The following ERC1 variants were observed in gnomAD, a reference collection of about 807,000 sequenced individuals.
ERC1 encodes the protein RAB6 interacting protein 2.
A neutral mutation model predicts 132.0 loss-of-function variants in ERC1; 56 were observed. The ratio of observed to expected loss-of-function variants is 0.42; its 90% CI spans 0.34 to 0.53. ERC1 has a LOEUF of 0.53. Among genes scored for constraint, ERC1 ranks in the 20% least tolerant of loss-of-function variants. The pLI is 0.03. For synonymous variants in ERC1, 478 were observed against 476.1 expected (o/e 1.00, Z -0.05); for missense variants, 1,202 against 1,349.9 (o/e 0.89, Z 1.72).
intron 15 of ERC1, among the ~76,000 whole-genome samples, chr12:1,320,513 T>C (rs1433904651): frequency 6.6e-6 from 1 of 152,256 alleles, no homozygotes; most frequent in Non-Finnish European, 1.5e-5. Flanking sequence ...TTTAAGTTAC[T>C]TCTAACAGTT....
At chr12:1,059,148 T>C (rs1324307188) in intron 2 of ERC1, among the ~76,000 whole-genome samples, 1 of 152,216 alleles carries the variant, frequency 6.6e-6, no homozygotes, top group Non-Finnish European at 1.5e-5. Context: ...TTGTTATTGG[T>C]GTATGGAAAT....
intron 1 of ERC1, among the ~76,000 whole-genome samples, chr12:1,019,525 C>T (rs1476108092): frequency 6.6e-6 from 1 of 152,200 alleles, no homozygotes; most frequent in East Asian, 1.9e-4. Flanking sequence ...CTATCATGCA[C>T]TTGTGAGAGA....
chr12:1,495,653 A>G lies in ERC1; in HGVS notation c.*5423A>G. 4.4e-6 allele frequency: 1 copy of G among 225,560 alleles called. No individual in the cohort carries two copies. Among genetic ancestry groups the G allele is most frequent in the Non-Finnish European group, 8.8e-6 (1 of 113,152 alleles). The allele number at this position is 225,560 out of a possible 1,614,324, so 14.0% of individuals were successfully genotyped here. A position where few individuals can be genotyped will look rare whatever the true frequency, so the allele number is the denominator to read the frequency against. ...CGTCAGAAGAGAAGTGTTGCACTTT[A>G]GTGGAGGAGCTGAGGAGCACCTGCC... On this transcript the variant is annotated 3_prime_UTR_variant, in exon 19 of 19. Coordinates refer to ENST00000360905, the MANE Select transcript of ERC1 (RefSeq NM_178040.4).
chr12:1,179,500 C>CTTTTTTT (rs58317880), intron 8 of ERC1, among the ~76,000 whole-genome samples: 2,668 of 95,628 alleles, frequency 0.028, 6 homozygotes, highest in Non-Finnish European at 0.037. Context: ...ATTCATTTTT[C>CTTTTTTT]TTTTTTTTTT....
intron 2 of ERC1, among the ~76,000 whole-genome samples, chr12:1,079,329 CAA>C (rs1377387056): frequency 5.6e-5 from 8 of 143,696 alleles, no homozygotes; most frequent in African/African-American, 2.0e-4. Context: ...TGTAATATGA[CAA>C]AAGTCGATAT....
intron 7 of ERC1, 23 bp from the exon 8 acceptor site, chr12:1,141,597 T>A: frequency 6.3e-7 from 1 of 1,580,958 alleles, no homozygotes; most frequent in Non-Finnish European, 8.6e-7. Flanking sequence ...AATTCATCAC[T>A]TGTAAAACTC....
In ERC1 at chr12:1,485,201, C is replaced by CTTTTCTTT. The variant is rs2094187033; in HGVS notation, c.3214-4888_3214-4887insCTTTTTTT. ...CCCAAACCTGGTCAAGTTTATATTT[C>CTTTTCTTT]TTTTTTTTTTTTTTTTTTTTTGAGA... On this transcript the variant is annotated intron_variant, in intron 18 of 18. Transcript: ENST00000360905. Among the ~76,000 whole-genome samples the CTTTTCTTT allele has an allele frequency of 2.9e-3, 275 of 96,384 alleles. 3 individuals carry two copies. Among genetic ancestry groups the CTTTTCTTT allele is most frequent in the African/African-American group, 0.011 (260 of 22,970 alleles). 63.2% of individuals were successfully genotyped at this position (96,384 alleles called of 152,430 possible). A position where few individuals can be genotyped will look rare whatever the true frequency, so the allele number is the denominator to read the frequency against.
chr12:1,332,503 C>T (rs2082944528), intron 15 of ERC1, among the ~76,000 whole-genome samples: 1 of 152,202 alleles, frequency 6.6e-6, no homozygotes, highest in African/African-American at 2.4e-5. Context: ...CATGGCCAAA[C>T]TGAAATTCCT....
intron 2 of ERC1, among the ~76,000 whole-genome samples, chr12:1,035,977 C>T (rs1171243891): frequency 1.3e-5 from 2 of 151,592 alleles, no homozygotes; most frequent in Admixed American, 6.6e-5. Context: ...CAGCATTTAA[C>T]CAGATTATCA....
chr12:1,038,627 A>G (rs1365612230), intron 2 of ERC1, among the ~76,000 whole-genome samples: 2 of 152,128 alleles, frequency 1.3e-5, no homozygotes. Flanking sequence ...CCAAAGTGCT[A>G]AGATTACAGG....
chr12:1,011,682 C>G (rs1181402407), intron 1 of ERC1, among the ~76,000 whole-genome samples: 5 of 152,096 alleles, frequency 3.3e-5, no homozygotes, highest in Non-Finnish European at 7.4e-5. Flanking sequence ...GCCTGTAATC[C>G]TAGCAGTTTG....
intron 17 of ERC1, among the ~76,000 whole-genome samples, chr12:1,438,586 A>G (rs2093008584): frequency 6.6e-6 from 1 of 152,206 alleles, no homozygotes; most frequent in Non-Finnish European, 1.5e-5. Context: ...GAATCGTAGT[A>G]GATATAAAAA....
chr12:1,290,295 G>C (rs551672723), intron 15 of ERC1, among the ~76,000 whole-genome samples: 27 of 152,238 alleles, frequency 1.8e-4, no homozygotes, highest in African/African-American at 6.3e-4. Context: ...GAAAGTTCAG[G>C]CAAAATGGCG....
chr12:1,133,992 G>C (rs936115973), intron 7 of ERC1, among the ~76,000 whole-genome samples: 1 of 152,130 alleles, frequency 6.6e-6, no homozygotes, highest in South Asian at 2.1e-4. Flanking sequence ...TGCTTGTCTG[G>C]TGAGTTTGGG....
rs535126361 is a variant in ERC1, at chr12:1,203,241, A to G, written c.2351+13189A>G. On this transcript the variant is annotated intron_variant, in intron 12 of 18. Coordinates refer to ENST00000360905, the MANE Select transcript of ERC1 (RefSeq NM_178040.4). ...CCTGGCTAATTTTTGTATTTTTAGT[A>G]GAGATGGGGTTTCACCGTGTTGGCT... 2.6e-5 allele frequency among the ~76,000 whole-genome samples: 4 copies of G among 152,232 alleles called. No individual in the cohort carries two copies. The East Asian group carries it at 7.7e-4, about 29-fold the overall frequency.
At chr12:1,079,917 T>G (rs1168141208) in intron 2 of ERC1, among the ~76,000 whole-genome samples, 5 of 152,266 alleles carry the variant, frequency 3.3e-5, no homozygotes, top group East Asian at 1.9e-4. Context: ...CAAAGATACA[T>G]ATAGAAATGA....
chr12:992,360 A>G (rs901886223), intron 1 of ERC1, among the ~76,000 whole-genome samples: 8 of 152,228 alleles, frequency 5.3e-5, no homozygotes, highest in Non-Finnish European at 1.2e-4. Context: ...GGAGCTAATT[A>G]TATGAAAAAT....
intron 15 of ERC1, among the ~76,000 whole-genome samples, chr12:1,365,409 A>G (rs934579857): frequency 2.0e-5 from 3 of 152,232 alleles, no homozygotes; most frequent in African/African-American, 7.2e-5. Flanking sequence ...AACCACCACA[A>G]CAGATAGAAG....
In ERC1 at chr12:1,353,028, C is replaced by CT. The variant is rs547540688; in HGVS notation, c.2781-18787dup. Among the ~76,000 whole-genome samples the CT allele has an allele frequency of 2.9e-3, 360 of 122,986 alleles. 4 individuals carry two copies. Among genetic ancestry groups the CT allele is most frequent in the South Asian group, 0.025 (97 of 3,812 alleles). 80.7% of individuals were successfully genotyped at this position (122,986 alleles called of 152,430 possible). The stretch of plus-strand genomic sequence containing the variant: ...AAGCAATCAAGTCTTCTTTTCTTTT[C>CT]TTTTTTTTTTTTTTTTTTCTGAGAT... On this transcript the variant is annotated intron_variant, in intron 15 of 18. Transcript: ENST00000360905.
Sources: allele counts gnomAD v4.1 joint callset (sites outside exome capture counted in the v4.1 genomes callset), GRCh38; gene constraint gnomAD v4.1.1; transcripts MANE v1.5; gene names NCBI Gene and HGNC (gene_info 2026-07-23, HGNC 2026-07-21).